Variants in RPP30 observed in about 807,000 individuals in gnomAD.
The protein encoded by RPP30 is ribonuclease P protein subunit p30.
RPP30 carries 36 observed loss-of-function variants against 38.6 expected under a neutral mutation model. That is an observed-to-expected ratio of 0.93 (90% CI 0.71 to 1.23). The LOEUF (loss-of-function observed/expected upper bound fraction) is 1.23, where lower values mean the gene tolerates loss of function less well. RPP30 is among the 50% of genes most tolerant of loss of function. RPP30 has a pLI of 0.00. For synonymous variants in RPP30, 126 were observed against 112.7 expected (o/e 1.12, Z -0.75); for missense variants, 321 against 321.7 (o/e 1.00, Z 0.02).
intron 8 of RPP30, 164 bp downstream of exon 8, chr10:90,895,647 C>T: frequency 2.0e-6 from 1 of 500,458 alleles, no homozygotes; most frequent in East Asian, 3.4e-5. Context: ...TCCCCACTTT[C>T]TTTAGGCTTC....
rs764621812 is a variant in RPP30, at chr10:90,872,166, C to T, written c.82+98C>T. ...ATTTCCTGATGGGTCTCGGTCAGGT[C>T]TCCCAGAGTCTCTGGGATGTCCCTG... On this transcript the variant is annotated intron_variant, in intron 1 of 10. Transcript: ENST00000371703. 15 of 1,008,240 alleles carry T rather than the reference C, an allele frequency of 1.5e-5. No individual in the cohort carries two copies. The African/African-American group carries it at 2.2e-4, about 15-fold the overall frequency. The allele number at this position is 1,008,240 out of a possible 1,614,324, so 62.5% of individuals were successfully genotyped here.
At chr10:90,902,789 T>C (rs926883691), downstream of RPP30, among the ~76,000 whole-genome samples, 1 of 152,206 alleles carries the variant, frequency 6.6e-6, no homozygotes, top group Non-Finnish European at 1.5e-5. Context: ...TTGGCCAATT[T>C]GATGGATTAA....
At chr10:90,894,945 A>C (rs1459532072) in intron 7 of RPP30, 54 bp downstream of exon 7, 1 of 1,159,318 alleles carries the variant, frequency 8.6e-7, no homozygotes, top group East Asian at 2.4e-5. Context: ...TATTATTAGT[A>C]GTACACTGGA....
chr10:90,890,359 T>G (rs565302298), intron 6 of RPP30, among the ~76,000 whole-genome samples: 121 of 152,352 alleles, frequency 7.9e-4, no homozygotes, highest in Non-Finnish European at 1.5e-3. Context: ...CATTTCAATG[T>G]TATTGTCACT....
intron 10 of RPP30, 35 bp downstream of exon 10, chr10:90,896,427 A>G: frequency 6.4e-7 from 1 of 1,558,394 alleles, no homozygotes; most frequent in South Asian, 1.1e-5. Flanking sequence ...CTGAATGGTC[A>G]TGTTAAAAGC....
At chr10:90,905,194 A>C (rs1311595152), downstream of RPP30, 4 of 152,012 alleles carry the variant, frequency 2.6e-5, no homozygotes, top group Non-Finnish European at 5.9e-5. Flanking sequence ...AATACCCAAC[A>C]TGACATGCTG....
chr10:90,874,995 G>C (rs1846832961), intron 2 of RPP30, 71 bp downstream of exon 2: 1 of 951,922 alleles, frequency 1.1e-6, no homozygotes, highest in African/African-American at 1.7e-5. Context: ...TTGGTAATTT[G>C]GAAGCTACAG....
Position 90,895,914 on chromosome 10 carries a change from A to C in RPP30, c.614A>C (p.Asn205Thr). 6.3e-7 allele frequency: 1 copy of C among 1,599,232 alleles called. No homozygotes were observed. The highest frequency in any genetic ancestry group is 8.5e-7 in the Non-Finnish European group (1 of 1,172,800). ...ATAAGAGGGCCATATGACGTGGCAA[A>C]TCTGTATCCTTTTCTGAGTAAAAAG... is the stretch of plus-strand genomic sequence containing the variant. The part of the protein sequence containing the change: ...LEIRGPYDVA[N>T]LGLLFGLSES... The change falls in exon 9 of 11, where the codon AAT becomes ACT. Residue 205 changes from asparagine (N) to threonine (T), a missense_variant. Transcript: ENST00000371703.
At position 90,876,056 on chromosome 10, in the gene RPP30, A is replaced by C. The variant is rs753058698; in HGVS notation, c.228A>C (p.Arg76Ser). 2 of 1,579,092 alleles carry C rather than the reference A, an allele frequency of 1.3e-6. No homozygotes were observed. Among genetic ancestry groups the C allele is most frequent in the Non-Finnish European group, 1.7e-6 (2 of 1,148,574 alleles). Reference protein sequence around the residue: ...GKSRPIKILTRLTIIVSDPSH... With the variant: ...GKSRPIKILTSLTIIVSDPSH... ...CAAGACCAATTAAAATTTTAACTAG[A>C]TTAACAATTATTGTCTCGGATCCAT... The change falls in exon 4 of 11, where the codon AGA becomes AGC. Residue 76 changes from arginine (R) to serine (S), a missense_variant. By Grantham distance (110) the Arg-to-Ser change is moderately radical. Transcript: ENST00000371703.
Position 90,879,144 on chromosome 10 carries a change from A to C in RPP30, c.342+10A>C. 1 of 1,605,164 alleles carries C rather than the reference A, an allele frequency of 6.2e-7. No homozygotes were observed. Among genetic ancestry groups the C allele is most frequent in the Non-Finnish European group, 8.5e-7 (1 of 1,171,974 alleles). On this transcript the variant is annotated intron_variant, in intron 5 of 10. Coordinates refer to ENST00000371703, the MANE Select transcript of RPP30 (RefSeq NM_006413.5). Reference sequence around the variant, plus strand: ...AGAAAAGCTTTTTCATGTGAGTAACAGATAAGTAAAAGAAAGTAGTGTATA... The same window carrying C: ...AGAAAAGCTTTTTCATGTGAGTAACCGATAAGTAAAAGAAAGTAGTGTATA...
intron 5 of RPP30, among the ~76,000 whole-genome samples, chr10:90,883,549 T>A (rs1846960300): frequency 6.6e-6 from 1 of 151,786 alleles, no homozygotes; most frequent in South Asian, 2.1e-4. Context: ...ATTCTAAGGT[T>A]GAAGTGTCAG....
At chr10:90,873,637 T>C (rs1309299540) in intron 1 of RPP30, among the ~76,000 whole-genome samples, 1 of 152,188 alleles carries the variant, frequency 6.6e-6, no homozygotes, top group African/African-American at 2.4e-5. Flanking sequence ...CTAGTTGACA[T>C]TTCTGTAGAA....
chr10:90,903,837 C>T (rs550180125), downstream of RPP30, among the ~76,000 whole-genome samples: 1 of 152,060 alleles, frequency 6.6e-6, no homozygotes, highest in African/African-American at 2.4e-5. Flanking sequence ...CATAAATTAC[C>T]AAGAAATGTG....
chr10:90,875,464 G>T, intron 2 of RPP30, 94 bp from the exon 3 acceptor site: 5 of 887,574 alleles, frequency 5.6e-6, no homozygotes, highest in South Asian at 1.8e-5. Context: ...TAAAAAAAAT[G>T]CATATTTTTT....
At chr10:90,900,528 G>A in intron 10 of RPP30, 42 bp from the exon 11 acceptor site, 3 of 1,578,212 alleles carry the variant, frequency 1.9e-6, no homozygotes, top group African/African-American at 1.4e-5. Flanking sequence ...TTTAAATTAT[G>A]TCTTAACTTC....
downstream of RPP30, among the ~76,000 whole-genome samples, chr10:90,904,241 A>G (rs1041446209): frequency 2.0e-5 from 3 of 152,246 alleles, no homozygotes; most frequent in African/African-American, 7.2e-5. Flanking sequence ...AGATATAAGA[A>G]GAAATGATGG....
At chr10:90,876,675 A>G (rs1846855950) in intron 4 of RPP30, among the ~76,000 whole-genome samples, 1 of 152,198 alleles carries the variant, frequency 6.6e-6, no homozygotes. Flanking sequence ...GTGAAACAAA[A>G]CAATAGGGCT....
rs1333510320 is a variant in RPP30 at position 90,872,049 on chromosome 10, T to C, written c.63T>C (p.Leu21=). 1 of 1,614,032 alleles carries C rather than the reference T, an allele frequency of 6.2e-7. No homozygotes were observed. Among genetic ancestry groups the C allele is most frequent in the South Asian group, 1.1e-5 (1 of 91,096 alleles). The change falls in exon 1 of 11, where the codon CTT becomes CTC. Residue 21 remains leucine, a synonymous_variant. Transcript: ENST00000371703. ...CTGACCTGAAGGCTCTGCGCGGACT[T>C]GTGGAGACAGCCGCTCACCGTGAGT... is the stretch of plus-strand genomic sequence containing the variant. ...AGSDLKALRG[L]VETAAHLGYS... is the part of the protein sequence containing the mutation.
chr10:90,879,737 A>T (rs1347176829), intron 5 of RPP30, among the ~76,000 whole-genome samples: 1 of 152,184 alleles, frequency 6.6e-6, no homozygotes, highest in African/African-American at 2.4e-5. Flanking sequence ...TGCAGAAGGG[A>T]AAGGAGCTTA....
Sources: gnomAD v4.1 joint callset for allele counts (sites outside exome capture counted in the v4.1 genomes callset) on GRCh38, gnomAD v4.1.1 for gene constraint, MANE v1.5 for transcripts, NCBI Gene and HGNC (gene_info 2026-07-23, HGNC 2026-07-21) for gene names.